SEMA3E: variants seen among roughly 807,000 people sequenced by gnomAD.
The protein encoded by SEMA3E is semaphorin 3E.
Under a neutral mutation model 93.6 loss-of-function variants are expected in SEMA3E, and 49 were observed. The observed-to-expected ratio is 0.52, with a 90% confidence interval of 0.42 to 0.66. The LOEUF (loss-of-function observed/expected upper bound fraction) is 0.66. SEMA3E is among the 30% of genes least tolerant of loss of function. The probability of loss-of-function intolerance (pLI) is 0.00; values close to 1 mark genes in which losing one functional copy is unlikely to be tolerated. For synonymous variants in SEMA3E, 363 were observed against 330.7 expected (o/e 1.10, Z -1.06); for missense variants, 906 against 964.8 (o/e 0.94, Z 0.81).
chr7:83,562,341 G>A (rs994641802), intron 1 of SEMA3E, among the ~76,000 whole-genome samples: 2 of 151,968 alleles, frequency 1.3e-5, no homozygotes, highest in East Asian at 3.9e-4. Flanking sequence ...TTTGTATAAT[G>A]TAATTGAGAG....
At chr7:83,513,013 T>A (rs749854858) in intron 1 of SEMA3E, among the ~76,000 whole-genome samples, 3 of 152,206 alleles carry the variant, frequency 2.0e-5, no homozygotes, top group Non-Finnish European at 4.4e-5. Context: ...ATTTATATTT[T>A]TGCAATGTAA....
chr7:83,624,436 T>C (rs1214612815), intron 1 of SEMA3E, among the ~76,000 whole-genome samples: 3 of 152,170 alleles, frequency 2.0e-5, no homozygotes, highest in Non-Finnish European at 4.4e-5. Context: ...TGAGTTGGTA[T>C]GTCATTGTGG....
At chr7:83,429,692 C>T (rs553610738) in intron 4 of SEMA3E, among the ~76,000 whole-genome samples, 1 of 152,280 alleles carries the variant, frequency 6.6e-6, no homozygotes, top group South Asian at 2.1e-4. Flanking sequence ...CTTTGTCCCT[C>T]ATAGTTTCCC....
chr7:83,408,612 G>A, intron 5 of SEMA3E, 125 bp from the exon 6 acceptor site: 1 of 1,081,146 alleles, frequency 9.2e-7, no homozygotes, highest in Non-Finnish European at 1.4e-6. Context: ...TTGCTGTTAG[G>A]AGCATGGATG....
rs375727873 is a variant in SEMA3E, at chr7:83,648,403, A to G, written c.115+25T>C. 9 of 1,487,826 alleles carry G rather than the reference A, an allele frequency of 6.0e-6. No homozygotes were observed. In the African/African-American group the frequency reaches 8.5e-5, roughly 14 times the overall value. The allele number at this position is 1,487,826 out of a possible 1,614,324, so 92.2% of individuals were successfully genotyped here. A position where few individuals can be genotyped will look rare whatever the true frequency, so the allele number is the denominator to read the frequency against. On this transcript the variant is annotated intron_variant, in intron 1 of 16. Transcript: ENST00000643230. ...TTTTTCTTTTTTTTTTTTTTTAAACAAAAGGATCTGGAAAGGTAACCTACC... is the reference window on the plus strand; with the variant it reads ...TTTTTCTTTTTTTTTTTTTTTAAACGAAAGGATCTGGAAAGGTAACCTACC...
At chr7:83,638,650 G>GA (rs1429626976) in intron 1 of SEMA3E, among the ~76,000 whole-genome samples, 3 of 152,122 alleles carry the variant, frequency 2.0e-5, no homozygotes, top group Admixed American at 6.5e-5. Flanking sequence ...TCAAGGCTGT[G>GA]ATTTGGACAT....
At chr7:83,425,299 T>C (rs565414502) in intron 4 of SEMA3E, among the ~76,000 whole-genome samples, 1 of 152,298 alleles carries the variant, frequency 6.6e-6, no homozygotes, top group African/African-American at 2.4e-5. Flanking sequence ...CCCCAAACTA[T>C]TGTTCTATTT....
At chr7:83,634,436 C>T (rs1584378048) in intron 1 of SEMA3E, among the ~76,000 whole-genome samples, 1 of 152,122 alleles carries the variant, frequency 6.6e-6, no homozygotes, top group East Asian at 1.9e-4. Context: ...ATATATCAGA[C>T]TTCAGTTTGG....
intron 1 of SEMA3E, among the ~76,000 whole-genome samples, chr7:83,637,207 C>T (rs1016386645): frequency 1.3e-5 from 2 of 152,034 alleles, no homozygotes; most frequent in African/African-American, 2.4e-5. Context: ...AATATTGATA[C>T]ATTATTATTA....
intron 1 of SEMA3E, among the ~76,000 whole-genome samples, chr7:83,602,979 G>C (rs1793029662): frequency 6.6e-6 from 1 of 152,084 alleles, no homozygotes; most frequent in Non-Finnish European, 1.5e-5. Context: ...TATAGTAAGT[G>C]TGCAATAAAT....
intron 1 of SEMA3E, among the ~76,000 whole-genome samples, chr7:83,519,379 A>G (rs1790999597): frequency 6.6e-6 from 1 of 151,810 alleles, no homozygotes. Context: ...CTTGTCTAAA[A>G]CCCTACAAAA....
intron 1 of SEMA3E, among the ~76,000 whole-genome samples, chr7:83,508,926 C>T (rs193069358): frequency 6.8e-4 from 104 of 152,156 alleles, no homozygotes; most frequent in Non-Finnish European, 4.1e-4. Flanking sequence ...ATAGCAAATT[C>T]GTTAAGTACA....
chr7:83,370,642 T>C (rs1794737517), intron 16 of SEMA3E, among the ~76,000 whole-genome samples: 1 of 152,146 alleles, frequency 6.6e-6, no homozygotes, highest in Admixed American at 6.6e-5. Flanking sequence ...TTAAGGCTGA[T>C]TAATTCTCAT....
intron 1 of SEMA3E, among the ~76,000 whole-genome samples, chr7:83,587,968 T>C (rs2115934194): frequency 6.6e-6 from 1 of 152,266 alleles, no homozygotes; most frequent in Admixed American, 6.5e-5. Context: ...TTGCTTATTA[T>C]GTATTTAAAT....
intron 1 of SEMA3E, among the ~76,000 whole-genome samples, chr7:83,521,437 A>G (rs1424894374): frequency 1.3e-5 from 2 of 152,190 alleles, no homozygotes; most frequent in Non-Finnish European, 2.9e-5. Flanking sequence ...TGGTATTACA[A>G]GGAAAAACAG....
At chr7:83,483,993 C>A (rs1162249560) in intron 2 of SEMA3E, among the ~76,000 whole-genome samples, 1 of 152,136 alleles carries the variant, frequency 6.6e-6, no homozygotes, top group Non-Finnish European at 1.5e-5. Context: ...TCTGTACCAC[C>A]CCCAATCTGA....
At position 83,363,859 on chromosome 7, in the gene SEMA3E, CATTTTTTTTTTTTTTTTTTTTT is replaced by C. The variant is rs1794622046; in HGVS notation, c.*3705_*3726del. 14 of 100,558 alleles carry C rather than the reference CATTTTTTTTTTTTTTTTTTTTT, an allele frequency of 1.4e-4. No homozygotes were observed. Among genetic ancestry groups the C allele is most frequent in the Admixed American group, 3.4e-4 (3 of 8,772 alleles). 6.2% of individuals were successfully genotyped at this position (100,558 alleles called of 1,614,324 possible). On this transcript the variant is annotated 3_prime_UTR_variant, in exon 17 of 17. Coordinates refer to ENST00000643230, the MANE Select transcript of SEMA3E (RefSeq NM_012431.3). ...AGGCTACAGGTGTCACAGGTCAATTCATTTTTTTTTTTTTTTTTTTTTTTTTTTTTTTTTTTTTTTTTTTTTG... is the reference window on the plus strand; with the variant it reads ...AGGCTACAGGTGTCACAGGTCAATTCTTTTTTTTTTTTTTTTTTTTTTTTG...
Position 83,469,293 on chromosome 7 carries a change from G to T in SEMA3E, c.286C>A (p.Pro96Thr). 1 of 1,608,596 alleles carries T rather than the reference G, an allele frequency of 6.2e-7. No homozygotes were observed. Among genetic ancestry groups the T allele is most frequent in the Non-Finnish European group, 8.5e-7 (1 of 1,175,990 alleles). Residue 96 changes from proline to threonine, a missense_variant, in exon 3 of 17, where the codon CCG (proline) becomes ACG (threonine). Coordinates refer to ENST00000643230, the MANE Select transcript of SEMA3E (RefSeq NM_012431.3). Reference protein sequence around the residue: ...ISDGYKEIHWPSTALKMEECI... With the variant: ...ISDGYKEIHWTSTALKMEECI... ...TCTTCCATTTTTAGAGCTGTACTCG[G>T]CCAGTGTATCTAAAATAAAAGATAA... is the stretch of plus-strand genomic sequence containing the variant.
chr7:83,580,509 A>C (rs1266789139), intron 1 of SEMA3E, among the ~76,000 whole-genome samples: 2 of 151,958 alleles, frequency 1.3e-5, no homozygotes, highest in African/African-American at 4.8e-5. Context: ...CCTATTCCTA[A>C]ATTCAGAATT....
Sources: gnomAD v4.1 joint callset for allele counts (sites outside exome capture counted in the v4.1 genomes callset) on GRCh38, gnomAD v4.1.1 for gene constraint, MANE v1.5 for transcripts, NCBI Gene and HGNC (gene_info 2026-07-23, HGNC 2026-07-21) for gene names.